LAMA2: variants seen among roughly 807,000 people sequenced by gnomAD.
The protein encoded by LAMA2 is laminin subunit alpha 2, also known as laminin subunit alpha-2.
LAMA2 carries 269 observed loss-of-function variants against 364.8 expected under a neutral mutation model. That is an observed-to-expected ratio of 0.74 (90% CI 0.67 to 0.82). The LOEUF is 0.82. Among genes scored for constraint, LAMA2 ranks in the 40% least tolerant of loss-of-function variants. The pLI, the probability that LAMA2 is intolerant of heterozygous loss-of-function variation, is 0.00. For synonymous variants in LAMA2, 1,379 were observed against 1,370.6 expected, an observed-to-expected ratio of 1.01 and a Z score of -0.14; for missense variants, 3,807 against 3,873.2, an observed-to-expected ratio of 0.98 and a Z score of 0.45.
intron 1 of LAMA2, among the ~76,000 whole-genome samples, chr6:128,892,472 A>T (rs1776513196): frequency 6.6e-6 from 1 of 152,024 alleles, no homozygotes; most frequent in Admixed American, 6.6e-5. Flanking sequence ...ACTATTTTTT[A>T]AAAACTTCTT....
At chr6:129,461,878 G>A (rs988964271) in intron 49 of LAMA2, among the ~76,000 whole-genome samples, 2 of 151,956 alleles carry the variant, frequency 1.3e-5, no homozygotes, top group Non-Finnish European at 2.9e-5. Context: ...TCACCAGGAA[G>A]GGAGGAAAAA....
chr6:128,907,782 A>G (rs540918698), intron 1 of LAMA2, among the ~76,000 whole-genome samples: 2,219 of 152,286 alleles, frequency 0.015, 31 homozygotes, highest in Non-Finnish European at 0.023. Context: ...TGTCATAGAT[A>G]GCTCTTATTA....
intron 18 of LAMA2, among the ~76,000 whole-genome samples, chr6:129,282,195 T>A (rs1788768519): frequency 6.6e-6 from 1 of 152,226 alleles, no homozygotes; most frequent in Non-Finnish European, 1.5e-5. Flanking sequence ...TCCATTTGCA[T>A]GTTAAAAGTT....
At position 128,922,273 on chromosome 6, in the gene LAMA2, GA is replaced by G. The variant is rs1778788210; in HGVS notation, c.112+38918del. ...GTATTTCTAGTTCTAGATCCCTGAG[GA>G]ATCGCCACACTGACTTCCACAATGG... On this transcript the variant is annotated intron_variant, in intron 1 of 64. Transcript: ENST00000421865. 3.3e-5 allele frequency among the ~76,000 whole-genome samples: 5 copies of G among 150,814 alleles called. 1 individual carries two copies. The South Asian group carries it at 1.1e-3, about 32-fold the overall frequency.
intron 29 of LAMA2, among the ~76,000 whole-genome samples, chr6:129,341,257 G>A (rs1037353424): frequency 1.3e-5 from 2 of 152,184 alleles, no homozygotes; most frequent in African/African-American, 4.8e-5. Context: ...CCAAGTTCAA[G>A]CTGGCGGCTT....
chr6:129,346,621 C>G (rs969403012), intron 30 of LAMA2, among the ~76,000 whole-genome samples: 2 of 152,090 alleles, frequency 1.3e-5, no homozygotes, highest in Non-Finnish European at 2.9e-5. Flanking sequence ...TGTCTTATTT[C>G]TTTCTTTATT....
chr6:129,446,479 CTT>C (rs1223647465), intron 45 of LAMA2, among the ~76,000 whole-genome samples: 4 of 128,552 alleles, frequency 3.1e-5, no homozygotes, highest in Non-Finnish European at 6.4e-5. Context: ...CAACGTGAAA[CTT>C]TAGTCAAAGG....
intron 41 of LAMA2, among the ~76,000 whole-genome samples, chr6:129,429,757 C>T (rs923531619): frequency 6.6e-6 from 1 of 152,102 alleles, no homozygotes; most frequent in African/African-American, 2.4e-5. Context: ...AGGAAGGGAG[C>T]GAGGTGATTC....
At chr6:129,509,315 T>C (rs1232319385) in intron 62 of LAMA2, among the ~76,000 whole-genome samples, 6 of 152,230 alleles carry the variant, frequency 3.9e-5, no homozygotes, top group Non-Finnish European at 8.8e-5. Context: ...GTCACTTCAC[T>C]TTGTTGATTG....
intron 1 of LAMA2, among the ~76,000 whole-genome samples, chr6:128,921,928 A>G (rs1402048858): frequency 6.0e-5 from 8 of 134,384 alleles, no homozygotes; most frequent in Admixed American, 9.2e-5. Flanking sequence ...TCATTGTTCA[A>G]TTCCCACCTA....
chr6:129,047,004 T>A (rs913275968), intron 1 of LAMA2, among the ~76,000 whole-genome samples: 2 of 152,206 alleles, frequency 1.3e-5, no homozygotes, highest in Non-Finnish European at 2.9e-5. Flanking sequence ...AAAATGGTGA[T>A]GAATGACAAA....
intron 9 of LAMA2, among the ~76,000 whole-genome samples, chr6:129,167,701 G>T (rs1294836908): frequency 6.6e-6 from 1 of 152,060 alleles, no homozygotes; most frequent in Non-Finnish European, 1.5e-5. Context: ...TGGGTCAAAG[G>T]GTATTTCCAG....
chr6:129,325,215 A>C lies in LAMA2; in HGVS notation c.4177-3063A>C, dbSNP rs143556135. Among the ~76,000 whole-genome samples the C allele has an allele frequency of 6.6e-5, 10 of 152,332 alleles. No individual in the cohort carries two copies. In the East Asian group the frequency reaches 1.9e-3, roughly 29 times the overall value. ...TGAAAATAAATTAAAGATAGACGAG[A>C]GCAGAAGAAAATTGAGCCATGAATA... On this transcript the variant is annotated intron_variant, in intron 28 of 64. Transcript: ENST00000421865.
At chr6:129,208,713 GGGAGGGAGGGAGGGAAGGAA>G (rs199566831) in intron 12 of LAMA2, among the ~76,000 whole-genome samples, 4,788 of 92,414 alleles carry the variant, frequency 0.052, 114 homozygotes, top group Non-Finnish European at 0.069. Context: ...GGAAGGAAAA[GGGAGGGAGGGAGGGAAGGAA>G]GGAGGGAGGG....
intron 47 of LAMA2, among the ~76,000 whole-genome samples, chr6:129,455,534 G>A (rs2114793360): frequency 6.6e-6 from 1 of 152,162 alleles, no homozygotes; most frequent in Non-Finnish European, 1.5e-5. Context: ...AAAGAAAAAA[G>A]ATTACCAAAG....
At chr6:129,279,696 T>C (rs1788580187) in intron 17 of LAMA2, among the ~76,000 whole-genome samples, 1 of 152,130 alleles carries the variant, frequency 6.6e-6, no homozygotes, top group Admixed American at 6.5e-5. Flanking sequence ...TGCTTCAAAT[T>C]CAGAGGGATT....
chr6:129,238,783 C>T (rs555921520), intron 12 of LAMA2, among the ~76,000 whole-genome samples: 24 of 152,102 alleles, frequency 1.6e-4, no homozygotes, highest in East Asian at 3.9e-4. Flanking sequence ...ATACAATTTC[C>T]GGAGATTAAA....
intron 3 of LAMA2, among the ~76,000 whole-genome samples, chr6:129,061,913 A>G (rs1788949355): frequency 6.6e-6 from 1 of 152,214 alleles, no homozygotes; most frequent in South Asian, 2.1e-4. Flanking sequence ...CTGAAAATCA[A>G]CCTACTGTGT....
At chr6:128,907,009 A>G (rs1425131711) in intron 1 of LAMA2, among the ~76,000 whole-genome samples, 1 of 150,670 alleles carries the variant, frequency 6.6e-6, no homozygotes, top group Admixed American at 6.6e-5. Flanking sequence ...CTGTTTTGGT[A>G]CCAGTACCAT....
Sources: gnomAD v4.1 joint callset for allele counts (sites outside exome capture counted in the v4.1 genomes callset) on GRCh38, gnomAD v4.1.1 for gene constraint, MANE v1.5 for transcripts, NCBI Gene and HGNC (gene_info 2026-07-23, HGNC 2026-07-21) for gene names.